TNNI1: variants seen among roughly 807,000 people sequenced by gnomAD.
TNNI1 encodes troponin I, slow skeletal muscle.
Under a neutral mutation model 26.7 loss-of-function variants are expected in TNNI1, and 14 were observed. The ratio of observed to expected loss-of-function variants is 0.52; its 90% CI spans 0.35 to 0.82. The LOEUF is 0.82. Ranked by LOEUF, TNNI1 falls within the 40% of genes least tolerant of loss-of-function variation. The probability of loss-of-function intolerance (pLI) is 0.01; values close to 1 mark genes in which losing one functional copy is unlikely to be tolerated. For synonymous variants in TNNI1, 79 were observed against 98.2 expected (o/e 0.80, Z 1.16); for missense variants, 164 against 257.0 (o/e 0.64, Z 2.47).
intron 1 of TNNI1, among the ~76,000 whole-genome samples, chr1:201,419,211 T>C (rs968350526): frequency 3.3e-5 from 5 of 152,236 alleles, no homozygotes; most frequent in Non-Finnish European, 7.3e-5. Flanking sequence ...GTGAGGACAC[T>C]TGGCTGTGGA....
intron 1 of TNNI1, among the ~76,000 whole-genome samples, chr1:201,421,139 C>A (rs920539621): frequency 5.3e-5 from 8 of 152,188 alleles, no homozygotes; most frequent in Non-Finnish European, 8.8e-5. Context: ...GAGCTAACAG[C>A]GTCGCTCAGA....
chr1:201,411,591 T>C lies in TNNI1; in HGVS notation c.280-58A>G. On this transcript the variant is annotated intron_variant, in intron 6 of 8. Transcript: ENST00000361379. The surrounding 1 kb of genome is among the most constrained non-coding windows in gnomAD (Gnocchi z 4.6). ...GAGGCAGCTAGCCACAGGACACCCT[T>C]CCTGAGGACCTCAGACTGCTAGGGT... The C allele has an allele frequency of 6.8e-7, 1 of 1,467,420 alleles. No individual in the cohort carries two copies. The allele number at this position is 1,467,420 out of a possible 1,614,324, so 90.9% of individuals were successfully genotyped here.
chr1:201,414,492 T>G, intron 5 of TNNI1, 26 bp downstream of exon 5: 3 of 1,492,332 alleles, frequency 2.0e-6, no homozygotes, highest in Non-Finnish European at 2.7e-6. Context: ...AGCCCCACCC[T>G]GCCCCGCCCC....
At chr1:201,410,303 G>A in intron 8 of TNNI1, 23 bp downstream of exon 8, 1 of 1,603,646 alleles carries the variant, frequency 6.2e-7, no homozygotes, top group Non-Finnish European at 8.5e-7. Flanking sequence ...GGACCCCAGA[G>A]AAGGGAGCTG....
rs369787706 is a variant in TNNI1, at chr1:201,411,456, C to T, written c.357G>A (p.Ser119=). 93 of 1,613,526 alleles carry T rather than the reference C, an allele frequency of 5.8e-5. No individual in the cohort carries two copies. Among genetic ancestry groups the T allele is most frequent in the Middle Eastern group, 4.9e-4 (3 of 6,082 alleles). Residue 119 remains serine (S), a synonymous_variant, in exon 7 of 9, where the codon TCG becomes TCA. Coordinates refer to ENST00000361379, the MANE Select transcript of TNNI1 (RefSeq NM_003281.4). The surrounding 1 kb of genome is among the most constrained non-coding windows in gnomAD (Gnocchi z 4.6). The part of the protein sequence containing the change: ...KRPPLRRVRV[S]ADAMLRALLG... ...GCAGGGCCCGGAGCATGGCGTCAGC[C>T]GAGACACGGACTCGACGCAGGGGCG...
chr1:201,421,317 T>A (rs1662853004), intron 1 of TNNI1, among the ~76,000 whole-genome samples: 1 of 151,966 alleles, frequency 6.6e-6, no homozygotes, highest in African/African-American at 2.4e-5. Context: ...GGCCACCCCT[T>A]CCCCTGGGTG....
intron 1 of TNNI1, among the ~76,000 whole-genome samples, chr1:201,418,162 T>C (rs1275955898): frequency 6.7e-6 from 1 of 148,624 alleles, no homozygotes; most frequent in Non-Finnish European, 1.5e-5. Flanking sequence ...ATGGAGTCCA[T>C]AGGAAATATG....
chr1:201,416,988 C>T, intron 3 of TNNI1, 128 bp downstream of exon 3: 1 of 1,124,572 alleles, frequency 8.9e-7, no homozygotes. Context: ...ACTAAATACC[C>T]TACACCCCCT....
At chr1:201,414,799 G>A in intron 4 of TNNI1, 150 bp from the exon 5 acceptor site, 1 of 1,284,326 alleles carries the variant, frequency 7.8e-7, no homozygotes, top group Non-Finnish European at 1.1e-6. Flanking sequence ...CCACCATGAG[G>A]GTACACCCAG....
intron 1 of TNNI1, among the ~76,000 whole-genome samples, chr1:201,418,777 T>C (rs935881391): frequency 1.3e-5 from 2 of 152,232 alleles, no homozygotes; most frequent in African/African-American, 2.4e-5. Context: ...TTCCCCTCTC[T>C]GGGTTGGTTT....
In TNNI1 at chr1:201,414,605, G is replaced by T; in HGVS notation, c.102C>A (p.His34Gln). Reference protein sequence around the residue: ...AKAKECWEQEHEEREAEKVRY... With the variant: ...AKAKECWEQEQEEREAEKVRY... ...GCACCTTCTCAGCCTCGCGCTCCTC[G>T]TGCTCCTGCTCCCAGCATTCCTTGG... Residue 34 changes from histidine to glutamine, a missense_variant, in exon 5 of 9, where the codon CAC becomes CAA. His to Gln is a conservative substitution (Grantham distance 24). Transcript: ENST00000361379. 2 of 1,613,970 alleles carry T rather than the reference G, an allele frequency of 1.2e-6. No individual in the cohort carries two copies.
rs1294933494 is a variant in TNNI1, at chr1:201,414,645, A to G, written c.62T>C (p.Leu21Pro). Residue 21 changes from leucine (L) to proline (P), a missense_variant, in exon 5 of 9, where the codon CTG becomes CCG. Physicochemically the swap from Leu to Pro is moderately conservative, Grantham distance 98. Coordinates refer to ENST00000361379, the MANE Select transcript of TNNI1 (RefSeq NM_003281.4). ...TASRKLLLKS[L>P]MLAKAKECWE... ...GCATTCCTTGGCCTTGGCCAGCATCAGGCTCTGGACAGGACACACCTGCTG... is the reference window on the plus strand; with the variant it reads ...GCATTCCTTGGCCTTGGCCAGCATCGGGCTCTGGACAGGACACACCTGCTG... 8 of 1,613,664 alleles carry G rather than the reference A, an allele frequency of 5.0e-6. No individual in the cohort carries two copies. Among genetic ancestry groups the G allele is most frequent in the Non-Finnish European group, 6.8e-6 (8 of 1,179,884 alleles).
Position 201,420,588 on chromosome 1 carries a change from TGAGA to T in TNNI1, c.-20+1081_-20+1084del, listed in dbSNP as rs559938415. Among the ~76,000 whole-genome samples, 219 of 152,076 alleles carry T rather than the reference TGAGA, an allele frequency of 1.4e-3. 1 individual carries two copies. The highest frequency in any genetic ancestry group is 5.1e-3 in the African/African-American group (211 of 41,474). ...GTGACTGTGTGTGAGAGTGTGAGTGTGAGAGAGAGAGCGTGTATATGTAGGGGAA... is the reference window on the plus strand; with the variant it reads ...GTGACTGTGTGTGAGAGTGTGAGTGTGAGAGAGCGTGTATATGTAGGGGAA... On this transcript the variant is annotated intron_variant, in intron 1 of 8. Coordinates refer to ENST00000361379, the MANE Select transcript of TNNI1 (RefSeq NM_003281.4).
At position 201,412,101 on chromosome 1, in the gene TNNI1, G is replaced by A. The variant is rs148838886; in HGVS notation, c.280-568C>T. Among the ~76,000 whole-genome samples, 93 of 152,334 alleles carry A rather than the reference G, an allele frequency of 6.1e-4. No homozygotes were observed. In the East Asian group the frequency reaches 0.014, roughly 23 times the overall value. On this transcript the variant is annotated intron_variant, in intron 6 of 8. Transcript: ENST00000361379. ...AGTGGACAGATAAAGCCTATTAGCC[G>A]TTGCTAACACTATAGCCTTGAATAA... is the stretch of plus-strand genomic sequence containing the variant.
chr1:201,420,432 C>T lies in TNNI1; in HGVS notation c.-20+1241G>A, dbSNP rs372953042. ...AAGGAGATAATGAGAAAATCCTCCC[C>T]CCGAGGGGGGGAGCAAAGAGTCTCT... On this transcript the variant is annotated intron_variant, in intron 1 of 8. Transcript: ENST00000361379. Among the ~76,000 whole-genome samples the T allele has an allele frequency of 2.4e-4, 36 of 152,188 alleles. No individual in the cohort carries two copies. In the South Asian group the frequency reaches 5.6e-3, roughly 24 times the overall value.
At position 201,405,156 on chromosome 1, in the gene TNNI1, T is replaced by G. The variant is rs1662492000; in HGVS notation, c.*4097A>C. 6.6e-6 allele frequency: 1 copy of G among 152,426 alleles called. No individual in the cohort carries two copies. Among genetic ancestry groups the G allele is most frequent in the Non-Finnish European group, 1.5e-5 (1 of 68,062 alleles). The allele number at this position is 152,426 out of a possible 1,614,324, so 9.4% of individuals were successfully genotyped here. A position where few individuals can be genotyped will look rare whatever the true frequency, so the allele number is the denominator to read the frequency against. Reference sequence around the variant, plus strand: ...CTGTCCACATCCAATTTCCTCAGACTGGGAGTCTGGGGACCTACTTCCTAG... The same window carrying G: ...CTGTCCACATCCAATTTCCTCAGACGGGGAGTCTGGGGACCTACTTCCTAG... On this transcript the variant is annotated 3_prime_UTR_variant, in exon 9 of 9. Transcript: ENST00000361379.
Position 201,414,570 on chromosome 1 carries a change from G to A in TNNI1, c.137C>T (p.Ala46Val). The A allele has an allele frequency of 6.2e-7, 1 of 1,613,560 alleles. No homozygotes were observed. Among genetic ancestry groups the A allele is most frequent in the Non-Finnish European group, 8.5e-7 (1 of 1,179,926 alleles). Residue 46 changes from alanine to valine, a missense_variant, in exon 5 of 9, where the codon GCA becomes GTA. By Grantham distance (64) the Ala-to-Val change is moderately conservative. Around this residue, in one of 3 missense-constraint regions of TNNI1, gnomAD observed 117 missense variants for 158.7 expected, o/e 0.74. Coordinates refer to ENST00000361379, the MANE Select transcript of TNNI1 (RefSeq NM_003281.4). ...EREAEKVRYL[A>V]ERIPTLQTRG... ...GGTCTGCAGCGTGGGGATGCGCTCT[G>A]CCAGGTAGCGCACCTTCTCAGCCTC...
At chr1:201,419,368 G>A (rs961327516) in intron 1 of TNNI1, among the ~76,000 whole-genome samples, 1 of 152,238 alleles carries the variant, frequency 6.6e-6, no homozygotes, top group African/African-American at 2.4e-5. Context: ...TGCAGGGGAA[G>A]GGAGGAACTG....
In TNNI1 at chr1:201,404,770, A is replaced by C. The variant is rs1662484024; in HGVS notation, c.*4483T>G. ...GTCAGGAGAAGAGCATCTGGGAGGC[A>C]CTAGTACAGGGGACACACAGGTGTC... On this transcript the variant is annotated 3_prime_UTR_variant, in exon 9 of 9. Coordinates refer to ENST00000361379, the MANE Select transcript of TNNI1 (RefSeq NM_003281.4). 1.3e-5 allele frequency: 2 copies of C among 152,402 alleles called. No individual in the cohort carries two copies. The highest frequency in any genetic ancestry group is 4.1e-4 in the South Asian group (2 of 4,832). 9.4% of individuals were successfully genotyped at this position (152,402 alleles called of 1,614,324 possible).
Sources: allele counts gnomAD v4.1 joint callset (sites outside exome capture counted in the v4.1 genomes callset), GRCh38; gene constraint gnomAD v4.1.1; regional missense constraint gnomAD v4.1.1; non-coding constraint Gnocchi (gnomAD v3.1); transcripts MANE v1.5; gene names NCBI Gene and HGNC (gene_info 2026-07-23, HGNC 2026-07-21).